Variants in EXOC4 observed in about 807,000 individuals in gnomAD.
The protein encoded by EXOC4 is exocyst complex component 4, also known as SEC8-like 1.
Under a neutral mutation model 107.2 loss-of-function variants are expected in EXOC4, and 71 were observed. The observed-to-expected ratio is 0.66, with a 90% CI of 0.55 to 0.81. The LOEUF (loss-of-function observed/expected upper bound fraction) is 0.81, where lower values mean the gene tolerates loss of function less well. Ranked by LOEUF, EXOC4 falls within the 30% of genes least tolerant of loss-of-function variation. The pLI is 0.00. For synonymous variants in EXOC4, 456 were observed against 441.2 expected (o/e 1.03, Z -0.42); for missense variants, 1,108 against 1,189.6 (o/e 0.93, Z 1.01).
At chr7:133,475,071 T>C (rs1467925340) in intron 7 of EXOC4, among the ~76,000 whole-genome samples, 1 of 152,118 alleles carries the variant, frequency 6.6e-6, no homozygotes, top group East Asian at 1.9e-4. Context: ...ACATAGTAGA[T>C]ACCCAATAAA....
chr7:134,001,293 C>G (rs1794525249), intron 15 of EXOC4, among the ~76,000 whole-genome samples: 2 of 152,166 alleles, frequency 1.3e-5, no homozygotes, highest in African/African-American at 4.8e-5. Context: ...AACTGCCTAT[C>G]ACTGTTGGGA....
chr7:133,973,642 A>G (rs1005271225), intron 14 of EXOC4, among the ~76,000 whole-genome samples: 2 of 152,202 alleles, frequency 1.3e-5, no homozygotes, highest in African/African-American at 4.8e-5. Context: ...ACATGATCAG[A>G]TGGTGTTTTG....
chr7:133,898,951 C>G (rs888690358), intron 12 of EXOC4, among the ~76,000 whole-genome samples: 3 of 150,380 alleles, frequency 2.0e-5, no homozygotes, highest in East Asian at 1.9e-4. Flanking sequence ...GCACTCCAGA[C>G]TGGATGACAG....
At chr7:133,756,921 C>T (rs1359477800) in intron 10 of EXOC4, among the ~76,000 whole-genome samples, 1 of 152,108 alleles carries the variant, frequency 6.6e-6, no homozygotes, top group Non-Finnish European at 1.5e-5. Context: ...GATGGTGACT[C>T]TGGAAATGCT....
intron 13 of EXOC4, among the ~76,000 whole-genome samples, chr7:133,927,430 G>T (rs958891280): frequency 1.3e-5 from 2 of 152,172 alleles, no homozygotes; most frequent in African/African-American, 2.4e-5. Flanking sequence ...AAAAGTTCCT[G>T]TTGGGAATTT....
chr7:133,592,309 T>G (rs945434593), intron 9 of EXOC4, among the ~76,000 whole-genome samples: 2 of 152,160 alleles, frequency 1.3e-5, no homozygotes, highest in Non-Finnish European at 1.5e-5. Flanking sequence ...CAAGCAATCC[T>G]CCTGCCTTGG....
rs1794426977 is a variant in EXOC4, at chr7:133,997,618, T to A, written c.2333T>A (p.Leu778Ter). 1 of 1,613,238 alleles carries A rather than the reference T, an allele frequency of 6.2e-7. No individual in the cohort carries two copies. Among genetic ancestry groups the A allele is most frequent in the South Asian group, 1.1e-5 (1 of 91,010 alleles). ...QDMADRCLLV[L>*]HLEVRVHCFH... ...ATGGCTGACCGCTGCTTGCTTGTCTTACATCTGGAAGTGAGGTATGATACA... is the reference window on the plus strand; with the variant it reads ...ATGGCTGACCGCTGCTTGCTTGTCTAACATCTGGAAGTGAGGTATGATACA... Residue 778 changes from leucine (L) to a stop codon, truncating the protein, a stop_gained, in exon 15 of 18, where the codon TTA (leucine) becomes TAA (stop). Coordinates refer to ENST00000253861, the MANE Select transcript of EXOC4 (RefSeq NM_021807.4). LOFTEE classifies it high-confidence loss of function.
At chr7:133,761,028 A>T (rs1390572894) in intron 10 of EXOC4, among the ~76,000 whole-genome samples, 1 of 152,156 alleles carries the variant, frequency 6.6e-6, no homozygotes, top group Non-Finnish European at 1.5e-5. Context: ...CAAAATTATC[A>T]TGTGTTCAGC....
intron 17 of EXOC4, among the ~76,000 whole-genome samples, chr7:134,051,856 G>T (rs1795799660): frequency 6.6e-6 from 1 of 151,234 alleles, no homozygotes; most frequent in Admixed American, 6.6e-5. Flanking sequence ...CATGGTGGTG[G>T]GCACCTGTAG....
At chr7:134,092,446 T>C in the EXOC4 span, among the ~76,000 whole-genome samples, 2 of 152,190 alleles carry the variant, frequency 1.3e-5, no homozygotes, top group African/African-American at 4.8e-5. Flanking sequence ...TCAGCCAATA[T>C]GAATATTTTC....
At chr7:133,414,745 A>T (rs1797435913) in intron 7 of EXOC4, among the ~76,000 whole-genome samples, 1 of 152,172 alleles carries the variant, frequency 6.6e-6, no homozygotes, top group Non-Finnish European at 1.5e-5. Context: ...TATATTCTGT[A>T]TTATAGATAA....
In EXOC4 at chr7:133,709,645, CTTTTTTTTTTT is replaced by C. The variant is rs147956984; in HGVS notation, c.1514+79515_1514+79525del. 5.1e-5 allele frequency among the ~76,000 whole-genome samples: 6 copies of C among 118,146 alleles called. No individual in the cohort carries two copies. The South Asian group carries it at 8.9e-4, about 17-fold the overall frequency. 77.5% of individuals were successfully genotyped at this position (118,146 alleles called of 152,430 possible). On this transcript the variant is annotated intron_variant, in intron 10 of 17. Transcript: ENST00000253861. ...ACTCATCACTATCATAATCTGTTTT[CTTTTTTTTTTT>C]TTTTTTTTTTCAAAGTGGTATGTGG...
intron 10 of EXOC4, among the ~76,000 whole-genome samples, chr7:133,743,655 A>AT (rs1795614658): frequency 6.6e-6 from 1 of 151,740 alleles, no homozygotes; most frequent in Non-Finnish European, 1.5e-5. Context: ...ATTAGTCAAA[A>AT]CCCCCCCATG....
At chr7:133,998,945 G>C (rs960634650) in intron 15 of EXOC4, among the ~76,000 whole-genome samples, 1 of 152,086 alleles carries the variant, frequency 6.6e-6, no homozygotes, top group South Asian at 2.1e-4. Flanking sequence ...ACAGGGGCTG[G>C]TGCAATAAGA....
chr7:133,569,730 C>T (rs1359886015), intron 9 of EXOC4, among the ~76,000 whole-genome samples: 2 of 152,110 alleles, frequency 1.3e-5, no homozygotes, highest in Non-Finnish European at 2.9e-5. Flanking sequence ...ATTTAACTAT[C>T]CTTCAAATTT....
At chr7:133,968,124 G>T (rs1391669356) in intron 14 of EXOC4, among the ~76,000 whole-genome samples, 1 of 152,118 alleles carries the variant, frequency 6.6e-6, no homozygotes, top group Non-Finnish European at 1.5e-5. Flanking sequence ...TTGGTTTAAA[G>T]TCTGTTTTAT....
chr7:133,383,458 T>A (rs1396780694), intron 7 of EXOC4, among the ~76,000 whole-genome samples: 2 of 152,312 alleles, frequency 1.3e-5, no homozygotes, highest in Non-Finnish European at 1.5e-5. Context: ...TGATTTCTTT[T>A]TTCTGGAGAT....
chr7:133,435,369 T>TC (rs1797946485), intron 7 of EXOC4, among the ~76,000 whole-genome samples: 1 of 152,162 alleles, frequency 6.6e-6, no homozygotes, highest in South Asian at 2.1e-4. Context: ...GGTTATCATG[T>TC]CTAGCTATTG....
At chr7:133,970,225 C>A (rs1186658740) in intron 14 of EXOC4, among the ~76,000 whole-genome samples, 1 of 152,322 alleles carries the variant, frequency 6.6e-6, no homozygotes, top group South Asian at 2.1e-4. Context: ...AGGTCGACTT[C>A]AGACTGCTAT....
Sources: gnomAD v4.1 joint callset for allele counts (sites outside exome capture counted in the v4.1 genomes callset) on GRCh38, gnomAD v4.1.1 for gene constraint, MANE v1.5 for transcripts, NCBI Gene and HGNC (gene_info 2026-07-23, HGNC 2026-07-21) for gene names.